The following IQGAP2 variants were observed in gnomAD, a reference collection of about 807,000 sequenced individuals.
IQGAP2 encodes the protein ras GTPase-activating-like protein IQGAP2.
A neutral mutation model predicts 201.3 loss-of-function variants in IQGAP2; 173 were observed. That is an observed-to-expected ratio of 0.86 (90% CI 0.76 to 0.98). The LOEUF (loss-of-function observed/expected upper bound fraction) is 0.98, where lower values mean the gene tolerates loss of function less well. Among genes scored for constraint, IQGAP2 ranks in the 50% least tolerant of loss-of-function variants. The pLI is 0.00. For missense variants in IQGAP2, 1,687 were observed against 1,864.8 expected (o/e 0.90, Z 1.76); for synonymous variants, 675 against 673.9 (o/e 1.00, Z -0.03).
At chr5:76,552,246 T>A (rs886342075) in intron 2 of IQGAP2, among the ~76,000 whole-genome samples, 1 of 152,206 alleles carries the variant, frequency 6.6e-6, no homozygotes, top group African/African-American at 2.4e-5. Flanking sequence ...CTGCTACTGG[T>A]AGAACCCCGT....
rs1028112693 is a variant in IQGAP2, at chr5:76,532,584, T to C, written c.147-29812T>C. Among the ~76,000 whole-genome samples the C allele has an allele frequency of 3.3e-5, 5 of 152,112 alleles. 1 individual carries two copies. The highest frequency in any genetic ancestry group is 2.0e-4 in the Admixed American group (3 of 15,284). On this transcript the variant is annotated intron_variant, in intron 2 of 35. Transcript: ENST00000274364. ...TGGTCAAGGTTTAAAGCTGACTATC[T>C]CATGGGGTGCTCATGAGGGTTCTTC... is the stretch of plus-strand genomic sequence containing the variant.
At chr5:76,567,334 G>A (rs951835619) in intron 3 of IQGAP2, among the ~76,000 whole-genome samples, 1 of 152,168 alleles carries the variant, frequency 6.6e-6, no homozygotes, top group Non-Finnish European at 1.5e-5. Context: ...TTCGGATTTT[G>A]GGATTAGGGA....
intron 35 of IQGAP2, among the ~76,000 whole-genome samples, chr5:76,703,704 C>T (rs907964957): frequency 1.3e-5 from 2 of 148,634 alleles, no homozygotes; most frequent in Non-Finnish European, 3.0e-5. Context: ...CTGCCCCCAA[C>T]TTCTTAATCC....
At position 76,708,019 on chromosome 5, in the gene IQGAP2, T is replaced by G. The variant is rs1748055249; in HGVS notation, c.*706T>G. The G allele has an allele frequency of 6.5e-6, 1 of 152,676 alleles. No homozygotes were observed. The highest frequency in any genetic ancestry group is 1.5e-5 in the Non-Finnish European group (1 of 68,044). 9.5% of individuals were successfully genotyped at this position (152,676 alleles called of 1,614,324 possible). A position where few individuals can be genotyped will look rare whatever the true frequency, so the allele number is the denominator to read the frequency against. On this transcript the variant is annotated 3_prime_UTR_variant, in exon 36 of 36. Coordinates refer to ENST00000274364, the MANE Select transcript of IQGAP2 (RefSeq NM_006633.5). Reference sequence around the variant, plus strand: ...CACCCCTCACAATTTATTTGAATACTTCAATTGTGCCTCTCAATTTTTTGT... The same window carrying G: ...CACCCCTCACAATTTATTTGAATACGTCAATTGTGCCTCTCAATTTTTTGT...
chr5:76,524,969 T>A (rs1758885298), intron 2 of IQGAP2, among the ~76,000 whole-genome samples: 1 of 152,270 alleles, frequency 6.6e-6, no homozygotes, highest in Non-Finnish European at 1.5e-5. Flanking sequence ...ACAAGGAAGC[T>A]ATCTTTTTCC....
chr5:76,697,459 C>A (rs1021244263), intron 32 of IQGAP2, among the ~76,000 whole-genome samples: 12 of 152,170 alleles, frequency 7.9e-5, no homozygotes, highest in African/African-American at 2.9e-4. Context: ...GCCTGACCAA[C>A]ATGGTGAAAC....
At chr5:76,685,923 A>G (rs1174737841) in intron 30 of IQGAP2, among the ~76,000 whole-genome samples, 1 of 152,172 alleles carries the variant, frequency 6.6e-6, no homozygotes, top group Non-Finnish European at 1.5e-5. Context: ...TTAAGTAGTC[A>G]TTCCCCATTC....
At chr5:76,608,892 A>G (rs1279783809) in intron 12 of IQGAP2, 5 of 470,846 alleles carry the variant, frequency 1.1e-5, no homozygotes, top group Non-Finnish European at 1.9e-5. Context: ...TGAACTCTAA[A>G]AGAACGCCCA....
chr5:76,495,089 C>T (rs528668142), intron 2 of IQGAP2, among the ~76,000 whole-genome samples: 2 of 151,744 alleles, frequency 1.3e-5, no homozygotes, highest in African/African-American at 2.4e-5. Flanking sequence ...TTTTAAAAAC[C>T]CTATTTAAAT....
At chr5:76,697,844 A>G (rs1301958621) in intron 32 of IQGAP2, 143 bp from the exon 33 acceptor site, 2 of 578,984 alleles carry the variant, frequency 3.5e-6, no homozygotes, top group South Asian at 4.7e-5. Flanking sequence ...TGGTGTTGAG[A>G]GTAAAATAAG....
chr5:76,585,616 G>A (rs1384817319), intron 5 of IQGAP2, among the ~76,000 whole-genome samples: 5 of 151,866 alleles, frequency 3.3e-5, no homozygotes, highest in African/African-American at 1.2e-4. Flanking sequence ...CTGGGTTCAA[G>A]CGATTCTCCT....
At chr5:76,579,053 T>A (rs1745660294) in intron 5 of IQGAP2, among the ~76,000 whole-genome samples, 2 of 152,122 alleles carry the variant, frequency 1.3e-5, no homozygotes, top group Non-Finnish European at 1.5e-5. Flanking sequence ...GTGAGTTCCT[T>A]GAAAGAGTTG....
In IQGAP2 at chr5:76,611,177, A is replaced by G. The variant is rs530536721; in HGVS notation, c.1515A>G (p.Lys505=). 141 of 1,607,362 alleles carry G rather than the reference A, an allele frequency of 8.8e-5. No individual in the cohort carries two copies. In the South Asian group the frequency reaches 1.5e-3, roughly 17 times the overall value. ...TTTTATACCATGCTAAATCACAGAA[A>G]CTCGGAGTAAGTTTTAGTATATCTG... ...QDVLYHAKSQ[K]LGDSESVSKV... The change falls in exon 13 of 36, where the codon AAA becomes AAG. Residue 505 remains lysine, a synonymous_variant. Transcript: ENST00000274364.
At chr5:76,664,868 GAAAA>G (rs59744281) in intron 21 of IQGAP2, among the ~76,000 whole-genome samples, 154 bp from the exon 22 acceptor site, 1 of 151,634 alleles carries the variant, frequency 6.6e-6, no homozygotes, top group East Asian at 1.9e-4. Context: ...AATTTGCAAA[GAAAA>G]AAAATGCGGT....
At chr5:76,599,760 T>C (rs1431052142) in intron 10 of IQGAP2, among the ~76,000 whole-genome samples, 1 of 152,206 alleles carries the variant, frequency 6.6e-6, no homozygotes, top group Non-Finnish European at 1.5e-5. Context: ...ATATATTAAA[T>C]ACCTGTAATA....
chr5:76,556,566 A>G (rs1743961434), intron 2 of IQGAP2, among the ~76,000 whole-genome samples: 2 of 152,172 alleles, frequency 1.3e-5, no homozygotes, highest in Non-Finnish European at 2.9e-5. Flanking sequence ...TTTTCTCCTT[A>G]TACTTAAAAA....
intron 2 of IQGAP2, among the ~76,000 whole-genome samples, chr5:76,511,768 C>T (rs1361872941): frequency 6.6e-6 from 1 of 151,416 alleles, no homozygotes; most frequent in Non-Finnish European, 1.5e-5. Flanking sequence ...GCAAGCTCTG[C>T]CTCCCGGGTT....
intron 22 of IQGAP2, among the ~76,000 whole-genome samples, chr5:76,666,674 C>CA (rs1743784860): frequency 6.6e-6 from 1 of 152,172 alleles, no homozygotes; most frequent in African/African-American, 2.4e-5. Context: ...GGCGTTAGCC[C>CA]AATATCACTA....
intron 2 of IQGAP2, among the ~76,000 whole-genome samples, chr5:76,560,241 C>T (rs1393153953): frequency 6.6e-6 from 1 of 151,994 alleles, no homozygotes; most frequent in East Asian, 1.9e-4. Context: ...CAGCCTCAAA[C>T]TCCAGGGCTC....
Sources: allele counts gnomAD v4.1 joint callset (sites outside exome capture counted in the v4.1 genomes callset), GRCh38; gene constraint gnomAD v4.1.1; transcripts MANE v1.5; gene names NCBI Gene and HGNC (gene_info 2026-07-23, HGNC 2026-07-21).